ARPP21: variants seen among roughly 807,000 people sequenced by gnomAD.
The protein encoded by ARPP21 is cAMP regulated phosphoprotein 21, also known as cAMP-regulated phosphoprotein 21.
A neutral mutation model predicts 113.2 loss-of-function variants in ARPP21; 69 were observed. That is an observed-to-expected ratio of 0.61 (90% CI 0.50 to 0.74). The LOEUF (loss-of-function observed/expected upper bound fraction) is 0.74, where lower values mean the gene tolerates loss of function less well. ARPP21 is among the 30% of genes least tolerant of loss of function. The pLI is 0.00. For synonymous variants in ARPP21, 368 were observed against 375.5 expected, an observed-to-expected ratio of 0.98 and a Z score of 0.23; for missense variants, 1,070 against 1,037.4, an observed-to-expected ratio of 1.03 and a Z score of -0.43.
chr3:35,785,988 A>G (rs2096624945), intron 19 of ARPP21, among the ~76,000 whole-genome samples: 1 of 152,230 alleles, frequency 6.6e-6, no homozygotes, highest in Non-Finnish European at 1.5e-5. Context: ...TAAGTTAAAA[A>G]AAGACATTTA....
At chr3:35,676,706 A>G (rs9820885) in intron 1 of ARPP21, among the ~76,000 whole-genome samples, 5,550 of 152,056 alleles carry the variant, frequency 0.036, 137 homozygotes, top group South Asian at 0.059. Flanking sequence ...GGAAAATTTC[A>G]GACTTGCTAA....
intron 1 of ARPP21, chr3:35,651,714 T>C (rs1204570723): frequency 1.3e-5 from 2 of 152,096 alleles, no homozygotes; most frequent in Admixed American, 1.3e-4. Context: ...TTACCTCATT[T>C]CTTGGTACTC....
Position 35,739,507 on chromosome 3 carries a change from C to T in ARPP21, c.1940C>T (p.Pro647Leu), listed in dbSNP as rs746985381. Residue 647 changes from proline (P) to leucine (L), a missense_variant, in exon 18 of 21, where the codon CCC becomes CTC. Pro to Leu is a moderately conservative substitution (Grantham distance 98). Transcript: ENST00000684406. ...PTGGFSGSGPPISQQVLQPPP... is the reference protein window; with the variant it reads ...PTGGFSGSGPLISQQVLQPPP... Reference sequence around the variant, plus strand: ...GGAGGATTCTCAGGCTCTGGCCCTCCCATCTCCCAGCAGGTCCTCCAGCCC... The same window carrying T: ...GGAGGATTCTCAGGCTCTGGCCCTCTCATCTCCCAGCAGGTCCTCCAGCCC... 6.2e-7 allele frequency: 1 copy of T among 1,614,146 alleles called. No homozygotes were observed. The highest frequency in any genetic ancestry group is 1.7e-5 in the Admixed American group (1 of 60,022).
chr3:35,715,453 G>A lies in ARPP21; in HGVS notation c.912G>A (p.Gln304=), dbSNP rs2092248025. The change falls in exon 12 of 21, where the codon CAG becomes CAA. Residue 304 remains glutamine, a synonymous_variant. Transcript: ENST00000684406. ...RIFAHDSVCS[Q]ESLFVENSRL... The stretch of plus-strand genomic sequence containing the variant: ...TTATTTTTCAGTCAGTTTGCTCCCA[G>A]GAAAGCCTTTTTGTGGAAAACAGGT... The A allele has an allele frequency of 6.2e-7, 1 of 1,613,072 alleles. No homozygotes were observed. Among genetic ancestry groups the A allele is most frequent in the Non-Finnish European group, 8.5e-7 (1 of 1,179,470 alleles).
rs367657363 is a variant in ARPP21 at position 35,689,258 on chromosome 3, C to A, written c.407-49C>A. ...TAGGTTGGGGAAACCTTTTCTACCCCACCTTTCCACCATCATTCCTGACAG... is the reference window on the plus strand; with the variant it reads ...TAGGTTGGGGAAACCTTTTCTACCCAACCTTTCCACCATCATTCCTGACAG... On this transcript the variant is annotated intron_variant, in intron 6 of 20. Coordinates refer to ENST00000684406, the MANE Select transcript of ARPP21 (RefSeq NM_001385562.1). The A allele has an allele frequency of 3.3e-4, 285 of 868,072 alleles. 1 individual carries two copies. The Middle Eastern group carries it at 4.8e-3, about 15-fold the overall frequency. 53.8% of individuals were successfully genotyped at this position (868,072 alleles called of 1,614,324 possible).
At chr3:35,707,555 G>T in intron 10 of ARPP21, 2 of 457,298 alleles carry the variant, frequency 4.4e-6, no homozygotes, top group Non-Finnish European at 8.8e-6. Context: ...AGGACAGGTG[G>T]ATTTTGCAAC....
chr3:35,709,376 C>A (rs1003144537), intron 11 of ARPP21, among the ~76,000 whole-genome samples: 1 of 152,106 alleles, frequency 6.6e-6, no homozygotes, highest in Non-Finnish European at 1.5e-5. Flanking sequence ...ATGCCTTCAC[C>A]TCCACATTAG....
chr3:35,743,459 T>C (rs2094805731), intron 18 of ARPP21, among the ~76,000 whole-genome samples: 1 of 152,128 alleles, frequency 6.6e-6, no homozygotes, highest in Non-Finnish European at 1.5e-5. Context: ...AACCAGTCAA[T>C]TGGGGGTACC....
intron 9 of ARPP21, among the ~76,000 whole-genome samples, chr3:35,699,530 C>A (rs1575996440): frequency 6.6e-6 from 1 of 151,718 alleles, no homozygotes; most frequent in East Asian, 1.9e-4. Context: ...TTATGTAACA[C>A]ATTTTATCCC....
chr3:35,664,191 T>A (rs1709109292), intron 1 of ARPP21, among the ~76,000 whole-genome samples: 1 of 152,182 alleles, frequency 6.6e-6, no homozygotes, highest in Non-Finnish European at 1.5e-5. Flanking sequence ...CACGTACATA[T>A]TTATGGGGTA....
chr3:35,735,443 T>C (rs2094288334), intron 15 of ARPP21, among the ~76,000 whole-genome samples: 2 of 152,202 alleles, frequency 1.3e-5, no homozygotes, highest in African/African-American at 4.8e-5. Context: ...ATTTTTCTCA[T>C]ATGACTGATG....
intron 11 of ARPP21, among the ~76,000 whole-genome samples, chr3:35,713,268 C>T (rs1244157241): frequency 6.6e-6 from 1 of 151,962 alleles, no homozygotes; most frequent in Non-Finnish European, 1.5e-5. Context: ...TTATTTTCAT[C>T]AGCTAGTGAA....
intron 1 of ARPP21, among the ~76,000 whole-genome samples, chr3:35,668,174 T>C (rs1016290724): frequency 6.6e-6 from 1 of 152,142 alleles, no homozygotes; most frequent in Non-Finnish European, 1.5e-5. Flanking sequence ...CTTATCCATT[T>C]TGGGGGAAGA....
chr3:35,692,111 GCACT>G (rs1472130560), intron 9 of ARPP21, among the ~76,000 whole-genome samples: 1 of 151,524 alleles, frequency 6.6e-6, no homozygotes, highest in Non-Finnish European at 1.5e-5. Flanking sequence ...GGGACAATGA[GCACT>G]CCACTTCTGT....
intron 1 of ARPP21, among the ~76,000 whole-genome samples, chr3:35,641,239 ACT>A (rs1697968265): frequency 6.8e-6 from 1 of 146,626 alleles, no homozygotes; most frequent in Admixed American, 6.7e-5. Context: ...CCAGTATGAC[ACT>A]CAGCCTCTCA....
intron 19 of ARPP21, among the ~76,000 whole-genome samples, chr3:35,785,639 T>C (rs1225804193): frequency 6.6e-6 from 1 of 152,190 alleles, no homozygotes; most frequent in Non-Finnish European, 1.5e-5. Context: ...TGATGTGTAC[T>C]GCCATTAGAA....
At position 35,715,625 on chromosome 3, in the gene ARPP21, T is replaced by C; in HGVS notation, c.935+149T>C. The C allele has an allele frequency of 1.5e-5, 8 of 522,904 alleles. No homozygotes were observed. The South Asian group carries it at 3.1e-4, about 20-fold the overall frequency. The allele number at this position is 522,904 out of a possible 1,614,324, so 32.4% of individuals were successfully genotyped here. A position where few individuals can be genotyped will look rare whatever the true frequency, so the allele number is the denominator to read the frequency against. On this transcript the variant is annotated intron_variant, in intron 12 of 20. Coordinates refer to ENST00000684406, the MANE Select transcript of ARPP21 (RefSeq NM_001385562.1). ...TATCTATGCGTACACACATATATGT[T>C]ATTTAACACATCTACAAATGATCTA...
At chr3:35,689,440 T>A in intron 7 of ARPP21, 55 bp downstream of exon 7, 1 of 894,998 alleles carries the variant, frequency 1.1e-6, no homozygotes, top group Non-Finnish European at 1.9e-6. Flanking sequence ...AATATTACAA[T>A]CAAAGTTATT....
Position 35,690,969 on chromosome 3 carries a change from A to G in ARPP21, c.650A>G (p.Lys217Arg). The G allele has an allele frequency of 6.2e-7, 1 of 1,610,634 alleles. No individual in the cohort carries two copies. The highest frequency in any genetic ancestry group is 8.5e-7 in the Non-Finnish European group (1 of 1,177,850). ...GLDHNVDQTG[K>R]SVIINKTSST... is the part of the protein sequence containing the mutation. Reference sequence around the variant, plus strand: ...GATCACAATGTGGATCAAACAGGAAAATCTGTTATCATCAACAAGACCAGC... The same window carrying G: ...GATCACAATGTGGATCAAACAGGAAGATCTGTTATCATCAACAAGACCAGC... The change falls in exon 9 of 21, where the codon AAA becomes AGA. Residue 217 changes from lysine to arginine, a missense_variant. Transcript: ENST00000684406.
Sources: allele counts gnomAD v4.1 joint callset (sites outside exome capture counted in the v4.1 genomes callset), GRCh38; gene constraint gnomAD v4.1.1; transcripts MANE v1.5; gene names NCBI Gene and HGNC (gene_info 2026-07-23, HGNC 2026-07-21).